Variants in TRAP1 observed in about 807,000 individuals in gnomAD.
TRAP1 encodes the protein TNF receptor associated protein 1.
Under a neutral mutation model 89.1 loss-of-function variants are expected in TRAP1, and 102 were observed. That is an observed-to-expected ratio of 1.15 (90% confidence interval 0.98 to 1.35). TRAP1 has a LOEUF of 1.35. Ranked by LOEUF, TRAP1 falls within the 40% of genes most tolerant of loss-of-function variation. The probability of loss-of-function intolerance (pLI) is 0.00; values close to 1 mark genes in which losing one functional copy is unlikely to be tolerated. For synonymous variants in TRAP1, 508 were observed against 388.0 expected, an observed-to-expected ratio of 1.31 and a Z score of -3.64; for missense variants, 1,256 against 945.3, an observed-to-expected ratio of 1.33 and a Z score of -4.31.
Position 3,690,911 on chromosome 16 carries a change from C to T in TRAP1, c.163G>A (p.Ala55Thr), listed in dbSNP as rs994456628. ...GTCTGCGTGCTGAACAGTCGTCCTG[C>T]CTGCAAGCTCCAGGCTGGGTTTCGC... is the stretch of plus-strand genomic sequence containing the variant. Reference protein sequence around the residue: ...PRRNPAWSLQAGRLFSTQTAE... With the variant: ...PRRNPAWSLQTGRLFSTQTAE... The change falls in exon 2 of 18, where the codon GCA becomes ACA. Residue 55 changes from alanine (A) to threonine (T), a missense_variant. Physicochemically the swap from Ala to Thr is moderately conservative, Grantham distance 58. Coordinates refer to ENST00000246957, the MANE Select transcript of TRAP1 (RefSeq NM_016292.3). 6.3e-7 allele frequency: 1 copy of T among 1,592,426 alleles called. No individual in the cohort carries two copies. The highest frequency in any genetic ancestry group is 8.5e-7 in the Non-Finnish European group (1 of 1,169,652).
chr16:3,662,589 T>C lies in TRAP1; in HGVS notation c.1794+293A>G, dbSNP rs143438388. 9.6e-3 allele frequency: 5,958 copies of C among 618,900 alleles called. 67 individuals are homozygous for C. The highest frequency in any genetic ancestry group is 0.013 in the Non-Finnish European group (4,449 of 331,036). 38.3% of individuals were successfully genotyped at this position (618,900 alleles called of 1,614,324 possible). A position where few individuals can be genotyped will look rare whatever the true frequency, so the allele number is the denominator to read the frequency against. Reference sequence around the variant, plus strand: ...AGGGCTGGGGTAGCATGTCCCTTGTTTGGAACCCCCACGTCCTCAGCCATT... The same window carrying C: ...AGGGCTGGGGTAGCATGTCCCTTGTCTGGAACCCCCACGTCCTCAGCCATT... On this transcript the variant is annotated intron_variant, in intron 15 of 17. Transcript: ENST00000246957.
chr16:3,708,323 T>C (rs983755982), intron 1 of TRAP1, among the ~76,000 whole-genome samples: 7 of 151,700 alleles, frequency 4.6e-5, no homozygotes, highest in African/African-American at 1.5e-4. Context: ...CTGTCTCTAC[T>C]AAAAATACAA....
chr16:3,663,886 A>G, intron 13 of TRAP1: 1 of 369,446 alleles, frequency 2.7e-6, no homozygotes, highest in Middle Eastern at 7.8e-4. Context: ...AACATGGTGA[A>G]ATGCCGTCTC....
At chr16:3,678,677 G>C (rs1328727408) in intron 5 of TRAP1, 1 of 152,194 alleles carries the variant, frequency 6.6e-6, no homozygotes, top group African/African-American at 2.4e-5. Flanking sequence ...TAGCCAGGAT[G>C]GTCTCCATCT....
intron 17 of TRAP1, chr16:3,658,431 T>A (rs2042852402): frequency 1.7e-6 from 1 of 603,256 alleles, no homozygotes; most frequent in South Asian, 2.0e-5. Flanking sequence ...TTTTTCCGTT[T>A]TTAAAACAGA....
chr16:3,703,044 A>G (rs113516039), intron 1 of TRAP1, among the ~76,000 whole-genome samples: 5,342 of 68,650 alleles, frequency 0.078, 112 homozygotes, highest in South Asian at 0.098. Flanking sequence ...CTCCGTCTTG[A>G]AAAAAAAAAA....
chr16:3,695,731 C>T (rs895486472), intron 1 of TRAP1, among the ~76,000 whole-genome samples: 2 of 152,108 alleles, frequency 1.3e-5, no homozygotes, highest in Non-Finnish European at 2.9e-5. Flanking sequence ...AAACTAACCT[C>T]AGAGGACAGC....
intron 1 of TRAP1, among the ~76,000 whole-genome samples, chr16:3,712,197 G>A (rs1044601099): frequency 1.4e-5 from 2 of 144,850 alleles, no homozygotes; most frequent in Non-Finnish European, 3.0e-5. Flanking sequence ...GCTGAGGCAG[G>A]AGAACTGCCT....
intron 1 of TRAP1, among the ~76,000 whole-genome samples, chr16:3,692,172 T>C (rs1207210291): frequency 1.3e-5 from 2 of 152,206 alleles, no homozygotes; most frequent in Non-Finnish European, 2.9e-5. Context: ...GAGCCTCTCC[T>C]GTTCTTCACA....
At chr16:3,706,491 T>C (rs1294641104) in intron 1 of TRAP1, among the ~76,000 whole-genome samples, 2 of 150,040 alleles carry the variant, frequency 1.3e-5, no homozygotes, top group East Asian at 3.9e-4. Flanking sequence ...GATAGGTTCT[T>C]GCTCTTTGAC....
At chr16:3,686,409 C>T (rs1225552898) in intron 3 of TRAP1, among the ~76,000 whole-genome samples, 3 of 152,102 alleles carry the variant, frequency 2.0e-5, no homozygotes, top group African/African-American at 7.2e-5. Context: ...CTTTAACCTC[C>T]TGGACCCAAG....
chr16:3,670,888 G>T (rs1343546087), intron 11 of TRAP1, among the ~76,000 whole-genome samples: 1 of 152,018 alleles, frequency 6.6e-6, no homozygotes, highest in African/African-American at 2.4e-5. Context: ...GCTCCTGCCC[G>T]CGGCACAGGA....
intron 14 of TRAP1, 117 bp downstream of exon 14, chr16:3,663,307 G>T: frequency 1.4e-6 from 2 of 1,380,678 alleles, no homozygotes; most frequent in South Asian, 1.3e-5. Flanking sequence ...GCTCTTCTCG[G>T]GGGTGGCTGA....
chr16:3,671,811 G>A lies in TRAP1; in HGVS notation c.1166-20C>T. On this transcript the variant is annotated intron_variant, in intron 10 of 17. Coordinates refer to ENST00000246957, the MANE Select transcript of TRAP1 (RefSeq NM_016292.3). ...CCACACCTGGGAGACACGGCAGTCA[G>A]CTTCTCCCGGGGCTGCGGCCCTCCA... The A allele has an allele frequency of 6.2e-7, 1 of 1,611,096 alleles. No individual in the cohort carries two copies. The highest frequency in any genetic ancestry group is 8.5e-7 in the Non-Finnish European group (1 of 1,179,724).
At chr16:3,714,048 G>C (rs1180280708) in intron 1 of TRAP1, among the ~76,000 whole-genome samples, 1 of 152,174 alleles carries the variant, frequency 6.6e-6, no homozygotes, top group African/African-American at 2.4e-5. Context: ...CCTTACCCTT[G>C]CACCTGCAGC....
chr16:3,707,877 AC>A (rs1418936414), intron 1 of TRAP1, among the ~76,000 whole-genome samples: 3 of 144,548 alleles, frequency 2.1e-5, no homozygotes, highest in Non-Finnish European at 4.5e-5. Context: ...AAAAAAAAAG[AC>A]AAACACATTA....
chr16:3,692,381 CAA>C (rs1483710878), intron 1 of TRAP1, among the ~76,000 whole-genome samples: 2 of 151,702 alleles, frequency 1.3e-5, no homozygotes, highest in African/African-American at 4.8e-5. Context: ...ACTAAAAATA[CAA>C]AAGTTAGCCG....
intron 8 of TRAP1, 74 bp downstream of exon 8, chr16:3,675,250 C>G (rs2050973422): frequency 1.3e-6 from 2 of 1,485,508 alleles, no homozygotes; most frequent in East Asian, 2.3e-5. Context: ...CTGGGCTCAT[C>G]TCTTCTCCGC....
chr16:3,672,886 G>A, intron 9 of TRAP1, 66 bp from the exon 10 acceptor site: 2 of 1,549,970 alleles, frequency 1.3e-6, no homozygotes, highest in Non-Finnish European at 1.7e-6. Context: ...TGGCTGGGAG[G>A]TGGGGGCGGA....
Sources: allele counts gnomAD v4.1 joint callset (sites outside exome capture counted in the v4.1 genomes callset), GRCh38; gene constraint gnomAD v4.1.1; transcripts MANE v1.5; gene names NCBI Gene and HGNC (gene_info 2026-07-23, HGNC 2026-07-21).